The following MLLT1 variants were observed in gnomAD, a reference collection of about 807,000 sequenced individuals.
MLLT1 encodes the protein MLLT1 super elongation complex subunit.
A neutral mutation model predicts 55.1 loss-of-function variants in MLLT1; 11 were observed. That is an observed-to-expected ratio of 0.20 (90% CI 0.13 to 0.33). The LOEUF (loss-of-function observed/expected upper bound fraction) is 0.33, where lower values mean the gene tolerates loss of function less well. Among genes scored for constraint, MLLT1 ranks in the 10% least tolerant of loss-of-function variants. The pLI is 1.00. For missense variants in MLLT1, 536 were observed against 760.6 expected, an observed-to-expected ratio of 0.70 and a Z score of 3.47; for synonymous variants, 323 against 320.1, an observed-to-expected ratio of 1.01 and a Z score of -0.10.
chr19:6,244,834 C>T (rs4807070), intron 3 of MLLT1, among the ~76,000 whole-genome samples: 42,763 of 151,840 alleles, frequency 0.28, 7,011 homozygotes, highest in African/African-American at 0.45. Flanking sequence ...CACATGAAAA[C>T]GATGCTCATT....
chr19:6,226,581 C>T lies in MLLT1; in HGVS notation c.546+396G>A, dbSNP rs573773788. 3.9e-5 allele frequency among the ~76,000 whole-genome samples: 6 copies of T among 152,294 alleles called. No individual in the cohort carries two copies. Among genetic ancestry groups the T allele is most frequent in the African/African-American group, 1.2e-4 (5 of 41,568 alleles). On this transcript the variant is annotated intron_variant, in intron 5 of 11. Coordinates refer to ENST00000252674, the MANE Select transcript of MLLT1 (RefSeq NM_005934.4). The surrounding 1 kb of genome is among the most constrained non-coding windows in gnomAD (Gnocchi z 6.3). ...GCATAGCCAAGGGCAGAAGTAGCCC[C>T]AGCTGCCCTCAGGAGGGTTGAAGAG...
In MLLT1 at chr19:6,235,006, T is replaced by G. The variant is rs1282711329; in HGVS notation, c.277-4293A>C. The stretch of plus-strand genomic sequence containing the variant: ...GTAACATGGTAACATAAGAGATGAC[T>G]AATTCATGGGTATGGTCCTGGTAGC... On this transcript the variant is annotated intron_variant, in intron 3 of 11. Coordinates refer to ENST00000252674, the MANE Select transcript of MLLT1 (RefSeq NM_005934.4). The surrounding 1 kb of genome is among the most constrained non-coding windows in gnomAD (Gnocchi z 5.5). 6.6e-6 allele frequency among the ~76,000 whole-genome samples: 1 copy of G among 152,204 alleles called. No individual in the cohort carries two copies. The highest frequency in any genetic ancestry group is 1.9e-4 in the East Asian group (1 of 5,202).
chr19:6,239,686 A>C (rs2091097545), intron 3 of MLLT1, among the ~76,000 whole-genome samples: 1 of 151,872 alleles, frequency 6.6e-6, no homozygotes. Flanking sequence ...GTGTACAAAC[A>C]CACACACAAA....
intron 3 of MLLT1, among the ~76,000 whole-genome samples, chr19:6,243,458 C>T (rs1364426154): frequency 6.6e-6 from 1 of 152,214 alleles, no homozygotes; most frequent in Non-Finnish European, 1.5e-5. Context: ...TGTCACTGAC[C>T]TACTCCAGAA....
rs1227464159 is a variant in MLLT1, at chr19:6,222,183, C to G, written c.1048G>C (p.Ala350Pro). The G allele has an allele frequency of 6.3e-7, 1 of 1,585,924 alleles. No homozygotes were observed. The highest frequency in any genetic ancestry group is 8.6e-7 in the Non-Finnish European group (1 of 1,166,344). ...KVKAESEPRE[A>P]KKALEVEESN... ...TCCTCCACCTCCAGGGCCTTTTTGG[C>G]CTCCCGGGGCTCACTCTCGGCCTTC... The change falls in exon 6 of 12, where the codon GCC (alanine) becomes CCC (proline). Residue 350 changes from alanine (A) to proline (P), a missense_variant. Coordinates refer to ENST00000252674, the MANE Select transcript of MLLT1 (RefSeq NM_005934.4). This position sits in a 1 kb window ranked among gnomAD's most constrained non-coding sequence, Gnocchi z 4.1.
chr19:6,210,512 C>T lies in MLLT1; in HGVS notation c.*2530G>A. On this transcript the variant is annotated 3_prime_UTR_variant, in exon 12 of 12. Coordinates refer to ENST00000252674, the MANE Select transcript of MLLT1 (RefSeq NM_005934.4). This position sits in a 1 kb window ranked among gnomAD's most constrained non-coding sequence, Gnocchi z 4.6. ...CGTTACAAACACGATTCTCCTTATT[C>T]CTTTTATCCAGGAGTTGGTCTCGGG... 4.6e-6 allele frequency: 1 copy of T among 215,318 alleles called. No individual in the cohort carries two copies. The highest frequency in any genetic ancestry group is 9.4e-6 in the Non-Finnish European group (1 of 106,468). 13.3% of individuals were successfully genotyped at this position (215,318 alleles called of 1,614,324 possible). A position where few individuals can be genotyped will look rare whatever the true frequency, so the allele number is the denominator to read the frequency against.
In MLLT1 at chr19:6,250,375, T is replaced by C. The variant is rs1034767718; in HGVS notation, c.276+11853A>G. 2.6e-5 allele frequency among the ~76,000 whole-genome samples: 4 copies of C among 152,134 alleles called. No homozygotes were observed. The South Asian group carries it at 6.2e-4, about 24-fold the overall frequency. ...CAGTTTGGCACTCCCTCAAAGAAAT[T>C]AAACATAGAATTACCATATGACCCA... is the stretch of plus-strand genomic sequence containing the variant. On this transcript the variant is annotated intron_variant, in intron 3 of 11. Transcript: ENST00000252674.
At position 6,252,873 on chromosome 19, in the gene MLLT1, T is replaced by G. The variant is rs1215443730; in HGVS notation, c.276+9355A>C. On this transcript the variant is annotated intron_variant, in intron 3 of 11. Transcript: ENST00000252674. ...ATAAAAGTGGGAACTACCAATCTTATAGAAATTAAAAGAATTATGAGAATA... is the reference window on the plus strand; with the variant it reads ...ATAAAAGTGGGAACTACCAATCTTAGAGAAATTAAAAGAATTATGAGAATA... Among the ~76,000 whole-genome samples the G allele has an allele frequency of 2.0e-5, 3 of 152,214 alleles. No homozygotes were observed. In the East Asian group the frequency reaches 5.8e-4, roughly 29 times the overall value.
In MLLT1 at chr19:6,222,392, G is replaced by T; in HGVS notation, c.839C>A (p.Pro280His). Residue 280 changes from proline to histidine, a missense_variant, in exon 6 of 12, where the codon CCC (proline) becomes CAC (histidine). Around this residue, in one of 3 missense-constraint regions of MLLT1, gnomAD observed 449 missense variants for 489.0 expected, o/e 0.92. Coordinates refer to ENST00000252674, the MANE Select transcript of MLLT1 (RefSeq NM_005934.4). This position sits in a 1 kb window ranked among gnomAD's most constrained non-coding sequence, Gnocchi z 4.1. ...GGPPPPPPPPPRASSKRPATA... is the reference protein window; with the variant it reads ...GGPPPPPPPPHRASSKRPATA... The stretch of plus-strand genomic sequence containing the variant: ...GGCCGGCCGCTTGCTGGAAGCCCGG[G>T]GTGGGGGTGGGGGTGGGGGTGGGGG... 1 of 1,142,110 alleles carries T rather than the reference G, an allele frequency of 8.8e-7. No homozygotes were observed. Among genetic ancestry groups the T allele is most frequent in the Non-Finnish European group, 1.1e-6 (1 of 873,576 alleles). 70.7% of individuals were successfully genotyped at this position (1,142,110 alleles called of 1,614,324 possible).
intron 1 of MLLT1, among the ~76,000 whole-genome samples, chr19:6,272,191 C>T (rs1396666023): frequency 2.6e-5 from 4 of 152,234 alleles, no homozygotes; most frequent in East Asian, 3.9e-4. Context: ...CTGAGACGCT[C>T]GTCTCTTTTC....
intron 3 of MLLT1, among the ~76,000 whole-genome samples, chr19:6,255,078 G>A (rs746435368): frequency 6.6e-6 from 1 of 151,886 alleles, no homozygotes; most frequent in Non-Finnish European, 1.5e-5. Context: ...GCTGTCCAGA[G>A]AGGAGGTCTA....
At chr19:6,224,135 A>G (rs1415191057) in intron 5 of MLLT1, among the ~76,000 whole-genome samples, 3 of 152,216 alleles carry the variant, frequency 2.0e-5, no homozygotes, top group Non-Finnish European at 4.4e-5. Context: ...CACAGGGCAG[A>G]CACAGCTGCT....
Position 6,270,785 on chromosome 19 carries a change from G to A in MLLT1, c.13-26C>T, listed in dbSNP as rs1744819583. On this transcript the variant is annotated intron_variant, in intron 1 of 11. Coordinates refer to ENST00000252674, the MANE Select transcript of MLLT1 (RefSeq NM_005934.4). The surrounding 1 kb of genome is among the most constrained non-coding windows in gnomAD (Gnocchi z 7.1). ...CTGGAGGAGAGAGAGGTGGGGAGATGAAGTCAGCACACGCCTCCAAGCAGG... is the reference window on the plus strand; with the variant it reads ...CTGGAGGAGAGAGAGGTGGGGAGATAAAGTCAGCACACGCCTCCAAGCAGG... The A allele has an allele frequency of 6.3e-7, 1 of 1,581,368 alleles. No homozygotes were observed. The highest frequency in any genetic ancestry group is 1.3e-5 in the African/African-American group (1 of 74,312).
chr19:6,224,944 T>C (rs981506896), intron 5 of MLLT1, among the ~76,000 whole-genome samples: 4 of 152,222 alleles, frequency 2.6e-5, no homozygotes, highest in African/African-American at 9.6e-5. Context: ...TTAGCCAGGA[T>C]GGTCTCCATC....
At position 6,211,235 on chromosome 19, in the gene MLLT1, G is replaced by A; in HGVS notation, c.*1807C>T. 4.3e-6 allele frequency: 1 copy of A among 232,762 alleles called. No homozygotes were observed. Among genetic ancestry groups the A allele is most frequent in the Non-Finnish European group, 8.5e-6 (1 of 117,772 alleles). 14.4% of individuals were successfully genotyped at this position (232,762 alleles called of 1,614,324 possible). A position where few individuals can be genotyped will look rare whatever the true frequency, so the allele number is the denominator to read the frequency against. The stretch of plus-strand genomic sequence containing the variant: ...AGAAGAAAGGAAGCGCCCCATGGTG[G>A]AGTATTGTTGGCCGCCCTGGGAAGG... On this transcript the variant is annotated 3_prime_UTR_variant, in exon 12 of 12. Transcript: ENST00000252674. This position sits in a 1 kb window ranked among gnomAD's most constrained non-coding sequence, Gnocchi z 4.6.
At chr19:6,236,834 G>C (rs970372181) in intron 3 of MLLT1, among the ~76,000 whole-genome samples, 2 of 152,252 alleles carry the variant, frequency 1.3e-5, no homozygotes, top group African/African-American at 4.8e-5. Flanking sequence ...AGTCAAAGGT[G>C]GCTGGCCAAC....
At position 6,213,037 on chromosome 19, in the gene MLLT1, C is replaced by G. The variant is rs747273547; in HGVS notation, c.*5G>C. 1 of 1,613,222 alleles carries G rather than the reference C, an allele frequency of 6.2e-7. No individual in the cohort carries two copies. Among genetic ancestry groups the G allele is most frequent in the South Asian group, 1.1e-5 (1 of 91,054 alleles). On this transcript the variant is annotated 3_prime_UTR_variant, in exon 12 of 12. Coordinates refer to ENST00000252674, the MANE Select transcript of MLLT1 (RefSeq NM_005934.4). ...GGCGGTGGGGGCCCGGCACGCGGCC[C>G]AGGGTCATGTGGCCACGGCCTCCAG... is the stretch of plus-strand genomic sequence containing the variant.
Position 6,212,650 on chromosome 19 carries a change from G to GC in MLLT1, c.*391dup. 1 of 1,111,268 alleles carries GC rather than the reference G, an allele frequency of 9.0e-7. No individual in the cohort carries two copies. The highest frequency in any genetic ancestry group is 1.1e-6 in the Non-Finnish European group (1 of 910,014). 68.8% of individuals were successfully genotyped at this position (1,111,268 alleles called of 1,614,324 possible). A position where few individuals can be genotyped will look rare whatever the true frequency, so the allele number is the denominator to read the frequency against. ...CTGAACCATTCGGGAGGCTGGAGAT[G>GC]CCCCCCAGCCGTCGATCCGCTGCTC... On this transcript the variant is annotated 3_prime_UTR_variant, in exon 12 of 12. Coordinates refer to ENST00000252674, the MANE Select transcript of MLLT1 (RefSeq NM_005934.4).
intron 8 of MLLT1, among the ~76,000 whole-genome samples, chr19:6,215,187 G>A (rs186826303): frequency 3.9e-5 from 6 of 152,362 alleles, no homozygotes; most frequent in East Asian, 3.9e-4. Flanking sequence ...GGACAAGGCC[G>A]GCAAGCCCTC....
Sources: allele counts gnomAD v4.1 joint callset (sites outside exome capture counted in the v4.1 genomes callset), GRCh38; gene constraint gnomAD v4.1.1; regional missense constraint gnomAD v4.1.1; non-coding constraint Gnocchi (gnomAD v3.1); transcripts MANE v1.5; gene names NCBI Gene and HGNC (gene_info 2026-07-23, HGNC 2026-07-21).